The following IGF1R variants were observed in gnomAD, a reference collection of about 807,000 sequenced individuals.
The protein encoded by IGF1R is insulin-like growth factor 1 receptor.
Under a neutral mutation model 144.6 loss-of-function variants are expected in IGF1R, and 44 were observed. That is an observed-to-expected ratio of 0.30 (90% CI 0.24 to 0.39). The LOEUF is 0.39. Among genes scored for constraint, IGF1R ranks in the 10% least tolerant of loss-of-function variants. IGF1R has a pLI of 1.00. For missense variants in IGF1R, 1,355 were observed against 1,833.7 expected, an observed-to-expected ratio of 0.74 and a Z score of 4.77; for synonymous variants, 795 against 722.8, an observed-to-expected ratio of 1.10 and a Z score of -1.60.
At chr15:98,914,658 A>G (rs990603491) in intron 8 of IGF1R, among the ~76,000 whole-genome samples, 3 of 148,690 alleles carry the variant, frequency 2.0e-5, no homozygotes, top group African/African-American at 7.9e-5. Flanking sequence ...TTTGGGAAAC[A>G]TAGGAATATC....
intron 2 of IGF1R, among the ~76,000 whole-genome samples, chr15:98,709,025 T>A (rs1298532102): frequency 6.6e-6 from 1 of 152,220 alleles, no homozygotes; most frequent in Non-Finnish European, 1.5e-5. Context: ...CTCTGAGCCT[T>A]CACCTTATTG....
intron 1 of IGF1R, among the ~76,000 whole-genome samples, chr15:98,689,593 A>G (rs2053425555): frequency 6.6e-6 from 1 of 152,090 alleles, no homozygotes; most frequent in African/African-American, 2.4e-5. Context: ...AGATTGATTA[A>G]TCAGAAAGTA....
Position 98,664,959 on chromosome 15 carries a change from A to ATT in IGF1R, c.94+15300_94+15301dup, listed in dbSNP as rs376830930. On this transcript the variant is annotated intron_variant, in intron 1 of 20. Coordinates refer to ENST00000650285, the MANE Select transcript of IGF1R (RefSeq NM_000875.5). ...GACTGCAGAATTAGGAACCAGCTTC[A>ATT]TTTTTTTTTTTTTTTTTGGATGGAA... Among the ~76,000 whole-genome samples, 835 of 130,174 alleles carry ATT rather than the reference A, an allele frequency of 6.4e-3. 14 individuals carry two copies. The highest frequency in any genetic ancestry group is 0.022 in the African/African-American group (765 of 35,170). 85.4% of individuals were successfully genotyped at this position (130,174 alleles called of 152,430 possible).
intron 2 of IGF1R, among the ~76,000 whole-genome samples, chr15:98,812,709 C>T (rs1406630091): frequency 2.0e-5 from 3 of 152,150 alleles, no homozygotes; most frequent in African/African-American, 4.8e-5. Context: ...TCCTTCCAAA[C>T]GTGACCTTTT....
At position 98,960,482 on chromosome 15, in the gene IGF1R, TAA is replaced by T. The variant is rs746598022; in HGVS notation, c.*3041_*3042del. 1.7e-5 allele frequency: 4 copies of T among 233,106 alleles called. No homozygotes were observed. Among genetic ancestry groups the T allele is most frequent in the Non-Finnish European group, 2.5e-5 (3 of 118,036 alleles). 14.4% of individuals were successfully genotyped at this position (233,106 alleles called of 1,614,324 possible). A position where few individuals can be genotyped will look rare whatever the true frequency, so the allele number is the denominator to read the frequency against. On this transcript the variant is annotated 3_prime_UTR_variant, in exon 21 of 21. Transcript: ENST00000650285. ...TGGAATGACCAACACATTTCGTCCT[TAA>T]GAGAGCAGTGGTTCCTCAGGTTCTG...
At chr15:98,674,977 A>ATTT (rs71149408) in intron 1 of IGF1R, among the ~76,000 whole-genome samples, 1,879 of 98,490 alleles carry the variant, frequency 0.019, 30 homozygotes, top group Non-Finnish European at 0.021. Context: ...GTATTTTACA[A>ATTT]TTTTTTTTTT....
chr15:98,684,069 T>C (rs1008827166), intron 1 of IGF1R, among the ~76,000 whole-genome samples: 2 of 152,154 alleles, frequency 1.3e-5, no homozygotes. Context: ...CCTCAGCCAG[T>C]TGTTAAATCA....
chr15:98,867,943 C>G (rs1372347970), intron 2 of IGF1R, among the ~76,000 whole-genome samples: 2 of 152,112 alleles, frequency 1.3e-5, no homozygotes, highest in Non-Finnish European at 2.9e-5. Context: ...GCTCGTGTCT[C>G]CAATGTCAGC....
At chr15:98,810,347 C>T (rs1226477174) in intron 2 of IGF1R, among the ~76,000 whole-genome samples, 1 of 152,086 alleles carries the variant, frequency 6.6e-6, no homozygotes, top group Non-Finnish European at 1.5e-5. Context: ...GATTAAATTC[C>T]ACACTCCACC....
chr15:98,849,123 C>T (rs527819545), intron 2 of IGF1R, among the ~76,000 whole-genome samples: 1 of 152,052 alleles, frequency 6.6e-6, no homozygotes, highest in Admixed American at 6.5e-5. Flanking sequence ...AGCAAGGAGT[C>T]CTTACCAGGT....
chr15:98,826,156 A>C (rs1030015254), intron 2 of IGF1R, among the ~76,000 whole-genome samples: 1 of 152,218 alleles, frequency 6.6e-6, no homozygotes, highest in African/African-American at 2.4e-5. Flanking sequence ...CCAAATTTCT[A>C]CCCCAAATCT....
At chr15:98,722,567 G>A (rs2054270301) in intron 2 of IGF1R, among the ~76,000 whole-genome samples, 2 of 152,268 alleles carry the variant, frequency 1.3e-5, no homozygotes, top group Middle Eastern at 3.4e-3. Context: ...AAGCCGGTTT[G>A]GCTTAGACAT....
At chr15:98,706,965 C>A (rs1004652781) in intron 1 of IGF1R, among the ~76,000 whole-genome samples, 16 of 151,792 alleles carry the variant, frequency 1.1e-4, no homozygotes, top group African/African-American at 3.4e-4. Flanking sequence ...TCCTTTATGT[C>A]TACATTAATG....
chr15:98,722,690 T>C (rs2054272525), intron 2 of IGF1R, among the ~76,000 whole-genome samples: 1 of 152,154 alleles, frequency 6.6e-6, no homozygotes, highest in Non-Finnish European at 1.5e-5. Context: ...GTAGGAGTGG[T>C]GGAAAGCTGG....
chr15:98,868,529 GTTACGAGAA>G (rs532264112), intron 2 of IGF1R, among the ~76,000 whole-genome samples: 113 of 152,086 alleles, frequency 7.4e-4, no homozygotes, highest in Non-Finnish European at 1.4e-3. Flanking sequence ...TCTCCTACGA[GTTACGAGAA>G]TTACGCTAGA....
chr15:98,739,701 C>G (rs1397256746), intron 2 of IGF1R, among the ~76,000 whole-genome samples: 1 of 152,174 alleles, frequency 6.6e-6, no homozygotes, highest in Non-Finnish European at 1.5e-5. Flanking sequence ...CTCTGCCTCC[C>G]AGGTTCAAGT....
At chr15:98,681,031 A>C (rs998020397) in intron 1 of IGF1R, among the ~76,000 whole-genome samples, 11 of 152,184 alleles carry the variant, frequency 7.2e-5, no homozygotes, top group Admixed American at 3.3e-4. Flanking sequence ...AATAGGCTAT[A>C]CTGTATAGCC....
chr15:98,936,799 C>G (rs1054982236), intron 17 of IGF1R, among the ~76,000 whole-genome samples: 2 of 152,142 alleles, frequency 1.3e-5, no homozygotes, highest in Non-Finnish European at 2.9e-5. Context: ...ACCCTCTGTT[C>G]TGCCAAGCAT....
In IGF1R at chr15:98,818,596, G is replaced by A. The variant is rs118146671; in HGVS notation, c.641-72729G>A. ...GGGAGTGGCAGGGCGGGGGGTAGGGGTGCAGTCCTGAACCAGTGCCAGGTT... is the reference window on the plus strand; with the variant it reads ...GGGAGTGGCAGGGCGGGGGGTAGGGATGCAGTCCTGAACCAGTGCCAGGTT... On this transcript the variant is annotated intron_variant, in intron 2 of 20. Transcript: ENST00000650285. 5.9e-3 allele frequency among the ~76,000 whole-genome samples: 897 copies of A among 151,898 alleles called. 10 individuals carry two copies. Among genetic ancestry groups the A allele is most frequent in the East Asian group, 0.048 (245 of 5,138 alleles).
Sources: gnomAD v4.1 joint callset for allele counts (sites outside exome capture counted in the v4.1 genomes callset) on GRCh38, gnomAD v4.1.1 for gene constraint, MANE v1.5 for transcripts, NCBI Gene and HGNC (gene_info 2026-07-23, HGNC 2026-07-21) for gene names.